Variants in SENP1 observed in about 807,000 individuals in gnomAD.
The protein encoded by SENP1 is SUMO specific peptidase 1.
A neutral mutation model predicts 93.0 loss-of-function variants in SENP1; 21 were observed. That is an observed-to-expected ratio of 0.23 (90% confidence interval 0.16 to 0.33). The LOEUF is 0.33. Among genes scored for constraint, SENP1 ranks in the 10% least tolerant of loss-of-function variants. SENP1 has a pLI of 1.00. For synonymous variants in SENP1, 256 were observed against 259.6 expected (o/e 0.99, Z 0.13); for missense variants, 591 against 758.7 (o/e 0.78, Z 2.60).
intron 6 of SENP1, among the ~76,000 whole-genome samples, chr12:48,078,332 T>TATATATATATAC (rs1454107759): frequency 3.6e-5 from 3 of 83,862 alleles, no homozygotes; most frequent in East Asian, 1.7e-3. Context: ...TATATATATA[T>TATATATATATAC]ATACACACAC....
At chr12:48,078,332 T>TAC (rs1944259462) in intron 6 of SENP1, among the ~76,000 whole-genome samples, 1 of 83,862 alleles carries the variant, frequency 1.2e-5, no homozygotes, top group Non-Finnish European at 2.5e-5. Flanking sequence ...TATATATATA[T>TAC]ATACACACAC....
intron 8 of SENP1, among the ~76,000 whole-genome samples, chr12:48,072,253 T>C (rs779093908): frequency 2.6e-5 from 4 of 152,236 alleles, no homozygotes; most frequent in Non-Finnish European, 5.9e-5. Flanking sequence ...CATATCCATG[T>C]TGTATGCACC....
intron 1 of SENP1, chr12:48,105,315 T>G: frequency 2.0e-6 from 1 of 507,106 alleles, no homozygotes; most frequent in South Asian, 1.4e-5. Context: ...TAAACAGAAA[T>G]CACCAAGCTC....
intron 9 of SENP1, 96 bp downstream of exon 9, chr12:48,071,571 G>A (rs1344009874): frequency 2.3e-5 from 18 of 790,692 alleles, no homozygotes; most frequent in South Asian, 5.3e-5. Context: ...AACCAAGATC[G>A]CGCCACTACA....
intron 13 of SENP1, among the ~76,000 whole-genome samples, chr12:48,057,941 C>CTGT (rs1942678586): frequency 1.2e-5 from 1 of 85,684 alleles, no homozygotes; most frequent in Admixed American, 1.8e-4. Context: ...TTTATTTCCT[C>CTGT]TTTTTTTTTT....
chr12:48,065,459 GACATATCATA>G, intron 11 of SENP1, 127 bp downstream of exon 11: 2 of 653,948 alleles, frequency 3.1e-6, no homozygotes, highest in Non-Finnish European at 5.3e-6. Context: ...GAACATTTAC[GACATATCATA>G]ACATGCTATG....
intron 6 of SENP1, among the ~76,000 whole-genome samples, chr12:48,078,734 T>C (rs1592399975): frequency 1.3e-5 from 2 of 152,236 alleles, no homozygotes; most frequent in East Asian, 3.8e-4. Flanking sequence ...ATGTAACTTT[T>C]TTGGCTTTGC....
In SENP1 at chr12:48,048,922, T is replaced by C. The variant is rs1452545591; in HGVS notation, c.1611+7A>G. On this transcript the variant is annotated splice_region_variant and intron_variant, in intron 14 of 17. Transcript: ENST00000549518. ...TACATTTTATCAAAAATGAAAGGGG[T>C]ACTCACAGCTAGACACCAGTGTACT... 6.2e-7 allele frequency: 1 copy of C among 1,606,146 alleles called. No homozygotes were observed. The highest frequency in any genetic ancestry group is 1.3e-5 in the African/African-American group (1 of 74,754).
intron 5 of SENP1, among the ~76,000 whole-genome samples, chr12:48,087,136 T>C (rs10875739): frequency 0.52 from 79,196 of 152,036 alleles, 20,972 homozygotes; most frequent in East Asian, 0.83. Context: ...GATGCAAAAC[T>C]AAACTAACTA....
At chr12:48,046,265 C>A (rs745399815) in intron 17 of SENP1, 91 bp downstream of exon 17, 94 of 808,236 alleles carry the variant, frequency 1.2e-4, no homozygotes, top group Non-Finnish European at 1.8e-4. Flanking sequence ...AGGGTAGAGG[C>A]CCCTAAAGAG....
chr12:48,083,810 T>C, intron 5 of SENP1, 48 bp from the exon 6 acceptor site: 3 of 1,339,808 alleles, frequency 2.2e-6, no homozygotes, highest in Non-Finnish European at 3.1e-6. Flanking sequence ...ATAAGTAAAA[T>C]AAATCCAACC....
In SENP1 at chr12:48,045,243, G is replaced by A; in HGVS notation, c.*79C>T. The A allele has an allele frequency of 8.2e-7, 1 of 1,220,530 alleles. No individual in the cohort carries two copies. Among genetic ancestry groups the A allele is most frequent in the Non-Finnish European group, 1.2e-6 (1 of 830,670 alleles). The allele number at this position is 1,220,530 out of a possible 1,614,324, so 75.6% of individuals were successfully genotyped here. A position where few individuals can be genotyped will look rare whatever the true frequency, so the allele number is the denominator to read the frequency against. On this transcript the variant is annotated 3_prime_UTR_variant, in exon 18 of 18. Coordinates refer to ENST00000549518, the MANE Select transcript of SENP1 (RefSeq NM_001267594.2). ...TTACAACAGCAGAGGGCTGGGAGCA[G>A]CTGTTTCCAAGGTCTCTGGCTGTAG...
chr12:48,086,261 C>T (rs1944853709), intron 5 of SENP1, among the ~76,000 whole-genome samples: 1 of 152,156 alleles, frequency 6.6e-6, no homozygotes, highest in Non-Finnish European at 1.5e-5. Flanking sequence ...AAACACATTT[C>T]AGGGACTCTA....
Position 48,048,093 on chromosome 12 carries a change from A to C in SENP1, c.1612-13T>G. On this transcript the variant is annotated splice_polypyrimidine_tract_variant and intron_variant, in intron 14 of 17. Coordinates refer to ENST00000549518, the MANE Select transcript of SENP1 (RefSeq NM_001267594.2). ...TAAAGTCCACAACCTGAGAATAAGA[A>C]AAAAAGTCTCTGTGTTTATGAGATG... The C allele has an allele frequency of 6.4e-7, 1 of 1,551,470 alleles. No individual in the cohort carries two copies. Among genetic ancestry groups the C allele is most frequent in the South Asian group, 1.1e-5 (1 of 89,460 alleles).
intron 6 of SENP1, among the ~76,000 whole-genome samples, chr12:48,077,307 T>C (rs1378073509): frequency 6.6e-6 from 1 of 152,216 alleles, no homozygotes; most frequent in Non-Finnish European, 1.5e-5. Flanking sequence ...TTTTGTTGCC[T>C]ATGACTTTGC....
intron 4 of SENP1, among the ~76,000 whole-genome samples, chr12:48,094,634 C>T (rs192654380): frequency 2.0e-4 from 30 of 152,040 alleles, no homozygotes; most frequent in African/African-American, 6.8e-4. Context: ...GAGTCAAGAT[C>T]GCGCCATTAC....
chr12:48,057,526 G>C (rs1474748673), intron 13 of SENP1, among the ~76,000 whole-genome samples: 1 of 146,066 alleles, frequency 6.8e-6, no homozygotes, highest in Admixed American at 7.0e-5. Context: ...CACTGCGCCC[G>C]ACCTGTATTA....
chr12:48,100,978 T>C (rs923857092), intron 2 of SENP1, among the ~76,000 whole-genome samples: 6 of 152,226 alleles, frequency 3.9e-5, no homozygotes, highest in African/African-American at 7.2e-5. Context: ...ATATAAACAA[T>C]GTTCTAACCA....
At chr12:48,053,768 A>G (rs1013924461) in intron 13 of SENP1, among the ~76,000 whole-genome samples, 7 of 152,170 alleles carry the variant, frequency 4.6e-5, no homozygotes, top group Non-Finnish European at 7.3e-5. Context: ...TGTAGATTCT[A>G]AATTCCTCTT....
Sources: allele counts gnomAD v4.1 joint callset (sites outside exome capture counted in the v4.1 genomes callset), GRCh38; gene constraint gnomAD v4.1.1; transcripts MANE v1.5; gene names NCBI Gene and HGNC (gene_info 2026-07-23, HGNC 2026-07-21).